DOCK1: variants seen among roughly 807,000 people sequenced by gnomAD.
DOCK1 encodes the protein dedicator of cytokinesis protein 1.
A neutral mutation model predicts 262.7 loss-of-function variants in DOCK1; 138 were observed. The observed-to-expected ratio is 0.53, with a 90% CI of 0.46 to 0.61. The LOEUF (loss-of-function observed/expected upper bound fraction) is 0.61. DOCK1 is among the 20% of genes least tolerant of loss of function. The pLI is 0.00. For synonymous variants in DOCK1, 866 were observed against 867.4 expected (o/e 1.00, Z 0.03); for missense variants, 1,908 against 2,370.7 (o/e 0.80, Z 4.05).
intron 38 of DOCK1, among the ~76,000 whole-genome samples, chr10:127,388,391 T>G (rs1343734173): frequency 6.6e-6 from 1 of 152,146 alleles, no homozygotes; most frequent in East Asian, 1.9e-4. Flanking sequence ...CCTCTAAAAC[T>G]AAAGTAAGAT....
chr10:127,365,627 T>A (rs540071025), intron 33 of DOCK1, among the ~76,000 whole-genome samples: 4 of 152,338 alleles, frequency 2.6e-5, no homozygotes, highest in Non-Finnish European at 5.9e-5. Flanking sequence ...TCATTCTATT[T>A]GTCATTTTTT....
Position 127,119,536 on chromosome 10 carries a change from C to T in DOCK1, c.2624-5938C>T, listed in dbSNP as rs115476597. 2.7e-3 allele frequency among the ~76,000 whole-genome samples: 414 copies of T among 152,186 alleles called. 5 individuals are homozygous for T. The highest frequency in any genetic ancestry group is 9.2e-3 in the African/African-American group (384 of 41,538). On this transcript the variant is annotated intron_variant, in intron 25 of 51. Transcript: ENST00000623213. ...AGACTTGAATGGAGGGAGGAAAGCA[C>T]GTGAACATGTTGAAACCTGTGGGTC...
chr10:126,947,482 A>AGTATTACTGTTGGTGG (rs2035568418), intron 1 of DOCK1, among the ~76,000 whole-genome samples: 2 of 7,410 alleles, frequency 2.7e-4, no homozygotes, highest in Admixed American at 2.0e-3. Context: ...GTTGGTGGTG[A>AGTATTACTGTTGGTGG]TGGTGGTGGT....
chr10:127,286,945 G>A lies in DOCK1; in HGVS notation c.3044+29516G>A, dbSNP rs1211730089. Among the ~76,000 whole-genome samples the A allele has an allele frequency of 8.7e-5, 13 of 149,036 alleles. No homozygotes were observed. The East Asian group carries it at 1.4e-3, about 16-fold the overall frequency. ...GGCTGGAGTGCAGTGGCACAATCTC[G>A]GCTCACTGCAAGTTCCACCTCCTGG... On this transcript the variant is annotated intron_variant, in intron 29 of 51. Coordinates refer to ENST00000623213, the MANE Select transcript of DOCK1 (RefSeq NM_001290223.2).
chr10:127,029,353 G>A (rs558504978), intron 16 of DOCK1, among the ~76,000 whole-genome samples: 128 of 152,366 alleles, frequency 8.4e-4, no homozygotes, highest in African/African-American at 3.0e-3. Flanking sequence ...TTGCTACCCT[G>A]AAGAGGAGGC....
At chr10:127,097,822 A>G (rs748340630) in intron 23 of DOCK1, among the ~76,000 whole-genome samples, 7 of 152,208 alleles carry the variant, frequency 4.6e-5, no homozygotes, top group Non-Finnish European at 8.8e-5. Context: ...AGAAAGCTAA[A>G]ATCAGTGACT....
At chr10:126,950,162 G>C (rs1389549877) in intron 1 of DOCK1, among the ~76,000 whole-genome samples, 1 of 152,090 alleles carries the variant, frequency 6.6e-6, no homozygotes, top group South Asian at 2.1e-4. Context: ...GAAGCAGTCA[G>C]TGGCTGTTCC....
At chr10:127,406,396 A>G (rs2067517188) in intron 40 of DOCK1, among the ~76,000 whole-genome samples, 1 of 152,172 alleles carries the variant, frequency 6.6e-6, no homozygotes, top group Non-Finnish European at 1.5e-5. Context: ...GACAAAATGA[A>G]AAGTCTGAAT....
chr10:127,293,012 T>C (rs1202128905), intron 29 of DOCK1, among the ~76,000 whole-genome samples: 10 of 152,192 alleles, frequency 6.6e-5, no homozygotes, highest in Non-Finnish European at 1.3e-4. Context: ...CCCAGGCAGC[T>C]TTCTGCCAAG....
chr10:127,299,248 G>A (rs1035956930), intron 29 of DOCK1, among the ~76,000 whole-genome samples: 4 of 152,120 alleles, frequency 2.6e-5, no homozygotes, highest in Non-Finnish European at 4.4e-5. Context: ...ACAGGCATGC[G>A]CCACCACACC....
intron 33 of DOCK1, among the ~76,000 whole-genome samples, chr10:127,363,848 CTG>C (rs2064736586): frequency 1.3e-5 from 2 of 152,328 alleles, no homozygotes; most frequent in South Asian, 4.1e-4. Context: ...GGCAGGGAGA[CTG>C]AGATTCACAG....
chr10:126,939,210 A>G (rs1174153135), intron 1 of DOCK1, among the ~76,000 whole-genome samples: 3 of 152,138 alleles, frequency 2.0e-5, no homozygotes, highest in African/African-American at 7.2e-5. Flanking sequence ...AAGGGGCCTG[A>G]TTCCATCCGT....
intron 1 of DOCK1, among the ~76,000 whole-genome samples, chr10:126,930,810 C>T (rs958504361): frequency 3.9e-5 from 6 of 152,196 alleles, no homozygotes; most frequent in African/African-American, 9.7e-5. Flanking sequence ...CACAAGGACT[C>T]GGGGCCCAGT....
chr10:127,285,021 C>A (rs912226072), intron 29 of DOCK1, among the ~76,000 whole-genome samples: 1 of 152,006 alleles, frequency 6.6e-6, no homozygotes, highest in Admixed American at 6.6e-5. Flanking sequence ...CCCTGTAATC[C>A]CAGCTACTCT....
chr10:127,012,133 A>G lies in DOCK1; in HGVS notation c.1059-99A>G. ...TTGACTCATGATGCCTCCCTCTCGCACTCGGTGACGATGATCTCTTATGTT... is the reference window on the plus strand; with the variant it reads ...TTGACTCATGATGCCTCCCTCTCGCGCTCGGTGACGATGATCTCTTATGTT... On this transcript the variant is annotated intron_variant, in intron 11 of 51. Transcript: ENST00000623213. This position sits in a 1 kb window ranked among gnomAD's most constrained non-coding sequence, Gnocchi z 4.0. 1 of 672,440 alleles carries G rather than the reference A, an allele frequency of 1.5e-6. No individual in the cohort carries two copies. Among genetic ancestry groups the G allele is most frequent in the Non-Finnish European group, 2.7e-6 (1 of 369,562 alleles). The allele number at this position is 672,440 out of a possible 1,614,324, so 41.7% of individuals were successfully genotyped here. A position where few individuals can be genotyped will look rare whatever the true frequency, so the allele number is the denominator to read the frequency against.
At chr10:127,372,398 G>A (rs148905403) in intron 33 of DOCK1, among the ~76,000 whole-genome samples, 3 of 152,286 alleles carry the variant, frequency 2.0e-5, no homozygotes, top group Admixed American at 6.5e-5. Context: ...TTTCACGACT[G>A]GGCTTGGCCT....
At chr10:127,270,957 T>G (rs2060540942) in intron 29 of DOCK1, among the ~76,000 whole-genome samples, 1 of 152,014 alleles carries the variant, frequency 6.6e-6, no homozygotes, top group African/African-American at 2.4e-5. Flanking sequence ...TCAAGACTCT[T>G]GTCCCTTTTT....
intron 46 of DOCK1, among the ~76,000 whole-genome samples, chr10:127,420,740 G>A (rs1249143713): frequency 6.6e-6 from 1 of 151,770 alleles, no homozygotes; most frequent in Non-Finnish European, 1.5e-5. Context: ...TCAGGAGGCT[G>A]AGGCAGGAGA....
At chr10:127,142,639 G>C (rs2051376276) in intron 27 of DOCK1, among the ~76,000 whole-genome samples, 1 of 152,092 alleles carries the variant, frequency 6.6e-6, no homozygotes, top group Admixed American at 6.6e-5. Flanking sequence ...TGGATGGCTG[G>C]GGATATTGAC....
Sources: allele counts gnomAD v4.1 joint callset (sites outside exome capture counted in the v4.1 genomes callset), GRCh38; gene constraint gnomAD v4.1.1; non-coding constraint Gnocchi (gnomAD v3.1); transcripts MANE v1.5; gene names NCBI Gene and HGNC (gene_info 2026-07-23, HGNC 2026-07-21).